TM9SF2: variants seen among roughly 807,000 people sequenced by gnomAD.
TM9SF2 encodes 76 kDa membrane protein.
A neutral mutation model predicts 84.9 loss-of-function variants in TM9SF2; 13 were observed. That is an observed-to-expected ratio of 0.15 (90% confidence interval 0.10 to 0.24). The LOEUF (loss-of-function observed/expected upper bound fraction) is 0.24. Ranked by LOEUF, TM9SF2 falls within the 10% of genes least tolerant of loss-of-function variation. The pLI, the probability that TM9SF2 is intolerant of heterozygous loss-of-function variation, is 1.00. For missense variants in TM9SF2, 562 were observed against 818.5 expected, an observed-to-expected ratio of 0.69 and a Z score of 3.82; for synonymous variants, 273 against 285.8, an observed-to-expected ratio of 0.96 and a Z score of 0.45.
chr13:99,531,492 C>A (rs1246201739), intron 4 of TM9SF2, among the ~76,000 whole-genome samples: 1 of 152,138 alleles, frequency 6.6e-6, no homozygotes, highest in Non-Finnish European at 1.5e-5. Context: ...TCCTCCTCCA[C>A]CCCACCCAAC....
chr13:99,552,894 A>T (rs1385411621), intron 13 of TM9SF2, among the ~76,000 whole-genome samples: 2 of 152,238 alleles, frequency 1.3e-5, no homozygotes, highest in African/African-American at 4.8e-5. Context: ...AAGTAAGCAG[A>T]GAAGAAGTCA....
rs139798400 is a variant in TM9SF2 at position 99,563,893 on chromosome 13, T to C, written c.*1135T>C. ...AGAATATAGGAATGGGGGGTGATTC[T>C]GAAGTATCGGTCTGCTTGTATCTGT... On this transcript the variant is annotated 3_prime_UTR_variant, in exon 17 of 17. Coordinates refer to ENST00000376387, the MANE Select transcript of TM9SF2 (RefSeq NM_004800.3). 6.6e-6 allele frequency: 1 copy of C among 152,230 alleles called. No homozygotes were observed. The highest frequency in any genetic ancestry group is 2.4e-5 in the African/African-American group (1 of 41,458). 9.4% of individuals were successfully genotyped at this position (152,230 alleles called of 1,614,324 possible).
rs1175196772 is a variant in TM9SF2, at chr13:99,540,805, G to A, written c.908+12G>A. The stretch of plus-strand genomic sequence containing the variant: ...ATTCAGTGGTTTAGGTAAGAGTACA[G>A]AGTTAGCCTGCTTTTGCTTTCTACT... On this transcript the variant is annotated intron_variant, in intron 8 of 16. Coordinates refer to ENST00000376387, the MANE Select transcript of TM9SF2 (RefSeq NM_004800.3). 1.2e-6 allele frequency: 2 copies of A among 1,609,990 alleles called. No homozygotes were observed. Among genetic ancestry groups the A allele is most frequent in the African/African-American group, 2.7e-5 (2 of 74,868 alleles).
intron 13 of TM9SF2, among the ~76,000 whole-genome samples, chr13:99,553,596 T>G (rs1862898439): frequency 6.6e-6 from 1 of 152,212 alleles, no homozygotes; most frequent in South Asian, 2.1e-4. Flanking sequence ...AAGTATGGTC[T>G]TAATGAAAAT....
At chr13:99,549,134 G>A (rs1436979004) in intron 11 of TM9SF2, 31 bp from the exon 12 acceptor site, 1 of 1,591,986 alleles carries the variant, frequency 6.3e-7, no homozygotes, top group South Asian at 1.1e-5. Context: ...AAGAAAATCT[G>A]TATTTATACA....
At chr13:99,537,056 G>T (rs1295926503) in intron 5 of TM9SF2, among the ~76,000 whole-genome samples, 1 of 151,998 alleles carries the variant, frequency 6.6e-6, no homozygotes, top group Non-Finnish European at 1.5e-5. Flanking sequence ...TGTCAAAAAA[G>T]GCTTCATTAT....
At chr13:99,505,640 T>G (rs188989281) in intron 1 of TM9SF2, among the ~76,000 whole-genome samples, 5 of 152,348 alleles carry the variant, frequency 3.3e-5, no homozygotes, top group African/African-American at 1.2e-4. Context: ...GTGACTGAAA[T>G]AAGTAGAATA....
intron 2 of TM9SF2, among the ~76,000 whole-genome samples, chr13:99,518,883 G>C (rs2046146745): frequency 6.6e-6 from 1 of 151,608 alleles, no homozygotes; most frequent in East Asian, 1.9e-4. Flanking sequence ...CAAGGTGCTG[G>C]GATTACAGGC....
intron 1 of TM9SF2, among the ~76,000 whole-genome samples, chr13:99,502,770 G>C (rs1275576250): frequency 6.6e-6 from 1 of 152,028 alleles, no homozygotes; most frequent in African/African-American, 2.4e-5. Context: ...TCAAATAATC[G>C]TTCAACAAAC....
chr13:99,542,338 G>A (rs1257936185), intron 9 of TM9SF2, among the ~76,000 whole-genome samples: 3 of 152,056 alleles, frequency 2.0e-5, no homozygotes, highest in Non-Finnish European at 4.4e-5. Flanking sequence ...TAACTCCTAA[G>A]CAATTTTTAT....
intron 10 of TM9SF2, 135 bp from the exon 11 acceptor site, chr13:99,546,850 C>G: frequency 8.4e-7 from 1 of 1,183,848 alleles, no homozygotes; most frequent in Admixed American, 2.3e-5. Context: ...TGTAGAGCTG[C>G]ATGGTAGGAG....
intron 16 of TM9SF2, among the ~76,000 whole-genome samples, chr13:99,561,564 A>G (rs1346684962): frequency 6.6e-6 from 1 of 152,238 alleles, no homozygotes; most frequent in Non-Finnish European, 1.5e-5. Context: ...TATGTCCTCC[A>G]AAACACACAT....
intron 12 of TM9SF2, among the ~76,000 whole-genome samples, chr13:99,550,788 T>C (rs1335951589): frequency 1.3e-5 from 2 of 152,234 alleles, no homozygotes; most frequent in African/African-American, 4.8e-5. Flanking sequence ...AAAAAATTTA[T>C]AGAGAAATAT....
chr13:99,557,131 G>A (rs1031936223), intron 15 of TM9SF2, among the ~76,000 whole-genome samples: 2 of 152,124 alleles, frequency 1.3e-5, no homozygotes, highest in African/African-American at 4.8e-5. Context: ...TGGTTGTGCC[G>A]TTTTACATTC....
intron 11 of TM9SF2, among the ~76,000 whole-genome samples, chr13:99,548,047 A>G (rs926442012): frequency 5.3e-5 from 8 of 152,196 alleles, no homozygotes; most frequent in Non-Finnish European, 1.2e-4. Flanking sequence ...AGGTAGGATT[A>G]GGGCCATCAT....
chr13:99,501,551 C>G lies in TM9SF2; in HGVS notation c.-56C>G. 3 of 1,572,924 alleles carry G rather than the reference C, an allele frequency of 1.9e-6. No individual in the cohort carries two copies. Among genetic ancestry groups the G allele is most frequent in the South Asian group, 2.3e-5 (2 of 88,168 alleles). On this transcript the variant is annotated 5_prime_UTR_variant, in exon 1 of 17. Transcript: ENST00000376387. The stretch of plus-strand genomic sequence containing the variant: ...TGTAGTCGTCTCCGAGACTCCCCAC[C>G]CCTCCTTCCCTCTTGACCCCCTAGG...
chr13:99,543,734 T>C, intron 9 of TM9SF2, 129 bp from the exon 10 acceptor site: 3 of 1,177,640 alleles, frequency 2.5e-6, no homozygotes, highest in Non-Finnish European at 3.6e-6. Flanking sequence ...AAAATTGAAA[T>C]AGGTACTAAC....
chr13:99,520,546 C>A (rs2046155021), intron 3 of TM9SF2, among the ~76,000 whole-genome samples: 1 of 152,092 alleles, frequency 6.6e-6, no homozygotes, highest in Admixed American at 6.6e-5. Context: ...CCTGGGCTCC[C>A]GCACTGGGAT....
At chr13:99,508,763 G>T (rs200322319) in intron 1 of TM9SF2, among the ~76,000 whole-genome samples, 2 of 152,072 alleles carry the variant, frequency 1.3e-5, no homozygotes, top group Non-Finnish European at 2.9e-5. Flanking sequence ...ACAACAAGCA[G>T]ATCTCACAAG....
Sources: allele counts gnomAD v4.1 joint callset (sites outside exome capture counted in the v4.1 genomes callset), GRCh38; gene constraint gnomAD v4.1.1; transcripts MANE v1.5; gene names NCBI Gene and HGNC (gene_info 2026-07-23, HGNC 2026-07-21).